NLN: variants seen among roughly 807,000 people sequenced by gnomAD.
NLN encodes neurolysin, mitochondrial.
NLN carries 64 observed loss-of-function variants against 79.9 expected under a neutral mutation model. The ratio of observed to expected loss-of-function variants is 0.80; its 90% CI spans 0.65 to 0.99. The LOEUF (loss-of-function observed/expected upper bound fraction) is 0.99. Among genes scored for constraint, NLN ranks in the 50% least tolerant of loss-of-function variants. The pLI is 0.00. For missense variants in NLN, 835 were observed against 858.7 expected, an observed-to-expected ratio of 0.97 and a Z score of 0.34; for synonymous variants, 267 against 296.6, an observed-to-expected ratio of 0.90 and a Z score of 1.02.
chr5:65,738,223 A>T (rs936383456), intron 1 of NLN, among the ~76,000 whole-genome samples: 1 of 152,100 alleles, frequency 6.6e-6, no homozygotes, highest in African/African-American at 2.4e-5. Context: ...GCAGAAGGTG[A>T]TAAGTACCAC....
intron 9 of NLN, among the ~76,000 whole-genome samples, chr5:65,800,087 A>G (rs1489026036): frequency 2.0e-5 from 3 of 152,130 alleles, no homozygotes; most frequent in African/African-American, 7.2e-5. Context: ...AGCACAATAC[A>G]CTTATTGATT....
chr5:65,780,179 G>A lies in NLN; in HGVS notation c.559G>A (p.Glu187Lys), dbSNP rs138182202. 2 of 1,233,536 alleles carry A rather than the reference G, an allele frequency of 1.6e-6. No individual in the cohort carries two copies. The highest frequency in any genetic ancestry group is 2.4e-6 in the Non-Finnish European group (2 of 847,762). The allele number at this position is 1,233,536 out of a possible 1,614,324, so 76.4% of individuals were successfully genotyped here. Residue 187 changes from glutamate to lysine, a missense_variant and splice_region_variant, in exon 5 of 13, where the codon GAA (glutamate) becomes AAA (lysine). Transcript: ENST00000380985. ...GLHLPEQVQN[E>K]IKSMKKRMSE... ...CCCTGTATTTTTATCTTCCTTTCAG[G>A]AAATCAAATCAATGAAGAAAAGAAT...
chr5:65,729,235 A>G (rs1203970213), intron 1 of NLN, among the ~76,000 whole-genome samples: 1 of 152,200 alleles, frequency 6.6e-6, no homozygotes, highest in African/African-American at 2.4e-5. Flanking sequence ...CAGTAGGCAT[A>G]ATCTCCAAAA....
At chr5:65,731,766 TTTC>T (rs1561176862) in intron 1 of NLN, among the ~76,000 whole-genome samples, 1 of 85,360 alleles carries the variant, frequency 1.2e-5, no homozygotes. Flanking sequence ...TTTTTTTTTT[TTTC>T]AGACAGAGTC....
At chr5:65,804,963 C>A (rs1760379276) in intron 9 of NLN, among the ~76,000 whole-genome samples, 1 of 152,172 alleles carries the variant, frequency 6.6e-6, no homozygotes, top group Admixed American at 6.5e-5. Flanking sequence ...AGAATGTGCT[C>A]CCTTCATGTC....
At chr5:65,772,958 T>G (rs1167936569) in intron 3 of NLN, among the ~76,000 whole-genome samples, 5 of 151,306 alleles carry the variant, frequency 3.3e-5, no homozygotes, top group African/African-American at 7.3e-5. Flanking sequence ...TTTTTGTTTT[T>G]TTTTTTTTTA....
intron 3 of NLN, among the ~76,000 whole-genome samples, chr5:65,771,075 A>G (rs1214840045): frequency 2.6e-5 from 4 of 152,130 alleles, no homozygotes. Flanking sequence ...GGTGGATTTA[A>G]TTTGTCCTCA....
chr5:65,767,854 A>T (rs1759485052), intron 3 of NLN, among the ~76,000 whole-genome samples: 1 of 152,178 alleles, frequency 6.6e-6, no homozygotes, highest in African/African-American at 2.4e-5. Context: ...ATCTCTCTCA[A>T]GTTCAAAGTT....
chr5:65,809,696 A>T lies in NLN; in HGVS notation c.1709A>T (p.Asn570Ile). 6.3e-7 allele frequency: 1 copy of T among 1,589,448 alleles called. No homozygotes were observed. Among genetic ancestry groups the T allele is most frequent in the Non-Finnish European group, 8.5e-7 (1 of 1,171,046 alleles). ...LEKLVASRLVNTGLLTLRQIV... is the reference protein window; with the variant it reads ...LEKLVASRLVITGLLTLRQIV... ...AAACTTGTTGCTTCTAGGCTGGTCA[A>T]CACAGGTATGACTTCTAATTTTAAA... Residue 570 changes from asparagine to isoleucine, a missense_variant, in exon 10 of 13, where the codon AAC becomes ATC. Physicochemically the swap from Asn to Ile is moderately radical, Grantham distance 149. Coordinates refer to ENST00000380985, the MANE Select transcript of NLN (RefSeq NM_020726.5).
chr5:65,804,860 G>T (rs1259761511), intron 9 of NLN, among the ~76,000 whole-genome samples: 1 of 152,116 alleles, frequency 6.6e-6, no homozygotes, highest in African/African-American at 2.4e-5. Context: ...TGTCTGTTAT[G>T]GTGATCTGTG....
At chr5:65,758,880 AT>A in intron 2 of NLN, 54 bp downstream of exon 2, 8 of 1,488,210 alleles carry the variant, frequency 5.4e-6, no homozygotes, top group South Asian at 1.2e-5. Context: ...ATCTTAAATC[AT>A]TTCATGCTTT....
intron 9 of NLN, among the ~76,000 whole-genome samples, chr5:65,795,655 C>A (rs71632541): frequency 6.6e-6 from 1 of 152,050 alleles, no homozygotes; most frequent in South Asian, 2.1e-4. Context: ...CCACTGCACT[C>A]CAGCCAGGGT....
intron 1 of NLN, among the ~76,000 whole-genome samples, chr5:65,748,930 G>A (rs1040631728): frequency 6.6e-6 from 1 of 152,122 alleles, no homozygotes; most frequent in African/African-American, 2.4e-5. Context: ...ATGTGTCATG[G>A]GAGGAACCCA....
chr5:65,781,365 T>G lies in NLN; in HGVS notation c.766T>G (p.Cys256Gly). The change falls in exon 6 of 13, where the codon TGT becomes GGT. Residue 256 changes from cysteine to glycine, a missense_variant. By Grantham distance (159) the Cys-to-Gly change is radical (BLOSUM62 -3). Coordinates refer to ENST00000380985, the MANE Select transcript of NLN (RefSeq NM_020726.5). Reference protein sequence around the residue: ...PHYFPVMKKCCIPETRRRMEM... With the variant: ...PHYFPVMKKCGIPETRRRMEM... ...CTATTTCCCTGTCATGAAGAAATGT[T>G]GTATCCCTGAAACCAGAAGAAGGAT... is the stretch of plus-strand genomic sequence containing the variant. The G allele has an allele frequency of 6.2e-7, 1 of 1,608,324 alleles. No individual in the cohort carries two copies.
At chr5:65,804,128 T>G (rs1369633847) in intron 9 of NLN, among the ~76,000 whole-genome samples, 5 of 152,270 alleles carry the variant, frequency 3.3e-5, no homozygotes, top group Non-Finnish European at 7.3e-5. Context: ...TTTAGTCATT[T>G]TGTAATATCA....
chr5:65,822,071 A>AT (rs1760812788), intron 12 of NLN, among the ~76,000 whole-genome samples: 1 of 152,210 alleles, frequency 6.6e-6, no homozygotes, highest in South Asian at 2.1e-4. Context: ...GGACAGTGAA[A>AT]GGGAAGTGAA....
chr5:65,732,173 A>G (rs1758624985), intron 1 of NLN, among the ~76,000 whole-genome samples: 1 of 152,228 alleles, frequency 6.6e-6, no homozygotes, highest in South Asian at 2.1e-4. Flanking sequence ...AAGGAAATCA[A>G]CACCGAAACT....
At chr5:65,767,396 C>A (rs1162692906) in intron 3 of NLN, among the ~76,000 whole-genome samples, 1 of 152,232 alleles carries the variant, frequency 6.6e-6, no homozygotes, top group Admixed American at 6.5e-5. Flanking sequence ...TGTACCTTGG[C>A]CCCTTTTAGC....
In NLN at chr5:65,788,422, T is replaced by A; in HGVS notation, c.1263T>A (p.Tyr421Ter). The A allele has an allele frequency of 6.2e-7, 1 of 1,613,924 alleles. No homozygotes were observed. Among genetic ancestry groups the A allele is most frequent in the Non-Finnish European group, 8.5e-7 (1 of 1,179,756 alleles). Reference protein sequence around the residue: ...AHVWNKSVTLYTVKDKATGEV... With the variant: ...AHVWNKSVTL ...TTTGGAACAAGAGTGTTACACTTTA[T>A]ACTGTGAAGGATAAAGCTACAGGAG... Residue 421 changes from tyrosine (Y) to a stop codon, truncating the protein, a stop_gained, in exon 8 of 13, where the codon TAT becomes TAA. Transcript: ENST00000380985. LOFTEE classifies it high-confidence loss of function.
Sources: allele counts gnomAD v4.1 joint callset (sites outside exome capture counted in the v4.1 genomes callset), GRCh38; gene constraint gnomAD v4.1.1; transcripts MANE v1.5; gene names NCBI Gene and HGNC (gene_info 2026-07-23, HGNC 2026-07-21).